The following FER variants were observed in gnomAD, a reference collection of about 807,000 sequenced individuals.
FER encodes FER tyrosine kinase, also known as tyrosine-protein kinase Fer.
A neutral mutation model predicts 111.0 loss-of-function variants in FER; 63 were observed. The observed-to-expected ratio is 0.57, with a 90% CI of 0.46 to 0.70. The LOEUF (loss-of-function observed/expected upper bound fraction) is 0.70, where lower values mean the gene tolerates loss of function less well. FER is among the 30% of genes least tolerant of loss of function. The pLI is 0.00. For missense variants in FER, 914 were observed against 954.0 expected, an observed-to-expected ratio of 0.96 and a Z score of 0.55; for synonymous variants, 327 against 313.9, an observed-to-expected ratio of 1.04 and a Z score of -0.44.
intron 17 of FER, among the ~76,000 whole-genome samples, chr5:109,166,752 A>G (rs1192626806): frequency 6.6e-6 from 1 of 152,164 alleles, no homozygotes; most frequent in African/African-American, 2.4e-5. Flanking sequence ...AGAGTATAAC[A>G]TACCCTCACA....
At chr5:108,986,539 G>A (rs1321692812) in intron 13 of FER, among the ~76,000 whole-genome samples, 1 of 151,972 alleles carries the variant, frequency 6.6e-6, no homozygotes, top group African/African-American at 2.4e-5. Context: ...GTCTAGAAGT[G>A]TTTTTCTGAT....
chr5:108,854,548 T>A (rs1762817784), intron 5 of FER, among the ~76,000 whole-genome samples: 1 of 152,190 alleles, frequency 6.6e-6, no homozygotes, highest in African/African-American at 2.4e-5. Flanking sequence ...TGGAATGCAA[T>A]GCATGTATTG....
At chr5:108,969,609 A>ATTTTTTTTTTTTTTTTTTTTTTT (rs1160968356) in intron 13 of FER, among the ~76,000 whole-genome samples, 1 of 148,870 alleles carries the variant, frequency 6.7e-6, no homozygotes, top group African/African-American at 2.6e-5. Flanking sequence ...TTACATTTTA[A>ATTTTTTTTTTTTTTTTTTTTTTT]TTTTTTTGAA....
intron 13 of FER, among the ~76,000 whole-genome samples, chr5:108,960,502 A>G (rs1211417586): frequency 6.6e-6 from 1 of 151,944 alleles, no homozygotes; most frequent in African/African-American, 2.4e-5. Flanking sequence ...ACCATAAAAA[A>G]TTCTTCTTCA....
At chr5:108,927,250 C>CTTTTTTTTTTTTTTTT (rs773963733) in intron 10 of FER, among the ~76,000 whole-genome samples, 26 of 95,370 alleles carry the variant, frequency 2.7e-4, no homozygotes, top group Non-Finnish European at 3.3e-4. Flanking sequence ...TGAGAAGTGG[C>CTTTTTTTTTTTTTTTT]TCTTTTTTTT....
At chr5:109,011,787 T>G (rs914295033) in intron 13 of FER, among the ~76,000 whole-genome samples, 1 of 152,206 alleles carries the variant, frequency 6.6e-6, no homozygotes, top group Admixed American at 6.5e-5. Flanking sequence ...TCCTCTTTTA[T>G]TTTTTCTTTG....
intron 10 of FER, among the ~76,000 whole-genome samples, chr5:108,924,082 G>T (rs1753396129): frequency 7.3e-6 from 1 of 136,750 alleles, no homozygotes; most frequent in East Asian, 2.0e-4. Flanking sequence ...AAGGCCAGGT[G>T]CAGTAAGCTC....
chr5:109,146,244 A>ATATTATCTATCTAATATATATATCTATT (rs373376729), intron 17 of FER, among the ~76,000 whole-genome samples: 1 of 67,314 alleles, frequency 1.5e-5, no homozygotes, highest in African/African-American at 6.3e-5. Flanking sequence ...ATATATATAT[A>ATATTATCTATCTAATATATATATCTATT]ATCTATCTAA....
intron 5 of FER, among the ~76,000 whole-genome samples, chr5:108,843,270 A>T (rs1327299856): frequency 6.6e-6 from 1 of 152,218 alleles, no homozygotes; most frequent in African/African-American, 2.4e-5. Flanking sequence ...GCTGAGTAGT[A>T]TTCCATCATC....
At chr5:109,155,949 A>G (rs962835645) in intron 17 of FER, among the ~76,000 whole-genome samples, 1 of 152,036 alleles carries the variant, frequency 6.6e-6, no homozygotes, top group Non-Finnish European at 1.5e-5. Context: ...TCTAATTGAT[A>G]ATACAGTTAA....
Position 109,189,106 on chromosome 5 carries a change from A to G in FER, c.*1531A>G, listed in dbSNP as rs912473808. 1.3e-5 allele frequency: 2 copies of G among 152,180 alleles called. No homozygotes were observed. The highest frequency in any genetic ancestry group is 4.8e-5 in the African/African-American group (2 of 41,444). The allele number at this position is 152,180 out of a possible 1,614,324, so 9.4% of individuals were successfully genotyped here. On this transcript the variant is annotated 3_prime_UTR_variant, in exon 20 of 20. Coordinates refer to ENST00000281092, the MANE Select transcript of FER (RefSeq NM_005246.4). ...CAGGTATGCAAGCAGAGTGCTGAAG[A>G]TGTCTCATGTGAATAAAATGTAACT...
At chr5:108,876,714 A>T (rs965950824) in intron 8 of FER, among the ~76,000 whole-genome samples, 1 of 152,192 alleles carries the variant, frequency 6.6e-6, no homozygotes, top group Non-Finnish European at 1.5e-5. Flanking sequence ...GGTATTTGGC[A>T]GTACTAGTCT....
At chr5:109,148,919 T>C (rs1754524368) in intron 17 of FER, among the ~76,000 whole-genome samples, 1 of 152,130 alleles carries the variant, frequency 6.6e-6, no homozygotes, top group African/African-American at 2.4e-5. Context: ...GATGTAGATG[T>C]AGAGACCTGC....
intron 1 of FER, among the ~76,000 whole-genome samples, chr5:108,761,065 G>A (rs1403000936): frequency 6.6e-6 from 1 of 151,898 alleles, no homozygotes; most frequent in Non-Finnish European, 1.5e-5. Context: ...TGAGTAGCTG[G>A]GATTACAGGT....
chr5:108,872,358 A>G (rs553507392), intron 8 of FER, 146 bp downstream of exon 8: 2 of 689,200 alleles, frequency 2.9e-6, no homozygotes, highest in Non-Finnish European at 4.5e-6. Context: ...GAAATATGTT[A>G]ATTTTACTCA....
chr5:109,001,435 C>A (rs538686499), intron 13 of FER, among the ~76,000 whole-genome samples: 2 of 152,176 alleles, frequency 1.3e-5, no homozygotes, highest in East Asian at 1.9e-4. Context: ...ATTCAACAAC[C>A]ATTCATGCTA....
chr5:108,943,148 C>A (rs868259748), intron 10 of FER, among the ~76,000 whole-genome samples: 1 of 152,084 alleles, frequency 6.6e-6, no homozygotes, highest in Non-Finnish European at 1.5e-5. Context: ...GTACCTCAGG[C>A]GAACTGTGAC....
intron 11 of FER, among the ~76,000 whole-genome samples, chr5:108,947,404 AAG>A (rs1435274227): frequency 6.6e-6 from 1 of 152,038 alleles, no homozygotes; most frequent in African/African-American, 2.4e-5. Context: ...AGTGGGCGTG[AAG>A]TAGTATCTTA....
intron 13 of FER, among the ~76,000 whole-genome samples, chr5:108,994,381 G>C (rs1763725541): frequency 6.6e-6 from 1 of 152,132 alleles, no homozygotes; most frequent in African/African-American, 2.4e-5. Context: ...TTTCCCCATT[G>C]CTTGTTTTTG....
Sources: allele counts gnomAD v4.1 joint callset (sites outside exome capture counted in the v4.1 genomes callset), GRCh38; gene constraint gnomAD v4.1.1; transcripts MANE v1.5; gene names NCBI Gene and HGNC (gene_info 2026-07-23, HGNC 2026-07-21).